The following FGF14 variants were observed in gnomAD, a reference collection of about 807,000 sequenced individuals.
The protein encoded by FGF14 is fibroblast growth factor homologous factor 4.
In FGF14, 5 loss-of-function variants were observed where a neutral mutation model predicts 25.5. The observed-to-expected ratio is 0.20, with a 90% confidence interval of 0.10 to 0.41. FGF14 has a LOEUF of 0.41. Ranked by LOEUF, FGF14 falls within the 10% of genes least tolerant of loss-of-function variation. The pLI, the probability that FGF14 is intolerant of heterozygous loss-of-function variation, is 1.00. For synonymous variants in FGF14, 138 were observed against 118.3 expected (o/e 1.17, Z -1.08); for missense variants, 222 against 320.1 (o/e 0.69, Z 2.34).
At chr13:101,771,218 C>T (rs1444022473) in intron 3 of FGF14, among the ~76,000 whole-genome samples, 1 of 151,988 alleles carries the variant, frequency 6.6e-6, no homozygotes. Flanking sequence ...CACTTGGCAC[C>T]GTATTTCATT....
At chr13:101,938,343 TTC>T (rs1296021571) in intron 1 of FGF14, among the ~76,000 whole-genome samples, 2 of 152,234 alleles carry the variant, frequency 1.3e-5, no homozygotes, top group Non-Finnish European at 2.9e-5. Flanking sequence ...CAAGAATGAT[TTC>T]TCTTTTTCAA....
intron 1 of FGF14, among the ~76,000 whole-genome samples, chr13:101,895,264 A>C (rs2030463174): frequency 6.6e-6 from 1 of 152,150 alleles, no homozygotes; most frequent in Non-Finnish European, 1.5e-5. Flanking sequence ...AACATTTTTA[A>C]AGAAATCATT....
At chr13:101,726,128 CTTAT>C (rs1275570935) in intron 4 of FGF14, among the ~76,000 whole-genome samples, 2 of 151,968 alleles carry the variant, frequency 1.3e-5, no homozygotes, top group Non-Finnish European at 2.9e-5. Flanking sequence ...GCTATTATCT[CTTAT>C]TTTTCTGTAA....
chr13:102,378,289 C>G (rs2058087262), intron 1 of FGF14, among the ~76,000 whole-genome samples: 1 of 152,094 alleles, frequency 6.6e-6, no homozygotes, highest in Non-Finnish European at 1.5e-5. Context: ...GGTGATGGAT[C>G]TGTGGGGGCA....
At chr13:102,054,305 TAG>T (rs2042338110) in intron 1 of FGF14, among the ~76,000 whole-genome samples, 1 of 151,552 alleles carries the variant, frequency 6.6e-6, no homozygotes, top group African/African-American at 2.5e-5. Flanking sequence ...TCAATATATT[TAG>T]AGGAGTTCCC....
intron 1 of FGF14, among the ~76,000 whole-genome samples, chr13:102,266,211 A>G (rs1394982968): frequency 1.3e-5 from 2 of 152,188 alleles, no homozygotes; most frequent in Non-Finnish European, 2.9e-5. Flanking sequence ...CCAGAACAGT[A>G]GAAGAGGCTG....
At chr13:102,140,055 C>CCCG (rs1555365035) in intron 1 of FGF14, among the ~76,000 whole-genome samples, 1 of 146,008 alleles carries the variant, frequency 6.8e-6, no homozygotes, top group African/African-American at 2.6e-5. Context: ...CCCCCCCCCC[C>CCCG]CTTACAGCAG....
At chr13:101,984,298 T>C (rs1322685) in intron 1 of FGF14, among the ~76,000 whole-genome samples, 78,923 of 152,032 alleles carry the variant, frequency 0.52, 23,925 homozygotes, top group African/African-American at 0.83. Context: ...CACATATAAT[T>C]GGTTTTAGTA....
At position 102,163,832 on chromosome 13, in the gene FGF14, GC is replaced by G. The variant is rs149786408; in HGVS notation, c.208+237638del. ...TCAAGGTAAAGAAATAATCAGACTT[GC>G]CCCCCCCAGAAAACATTCTGGAGGC... On this transcript the variant is annotated intron_variant, in intron 1 of 4. Transcript: ENST00000376131. 1.5e-3 allele frequency among the ~76,000 whole-genome samples: 227 copies of G among 151,532 alleles called. 2 individuals are homozygous for G. Among genetic ancestry groups the G allele is most frequent in the African/African-American group, 5.3e-3 (218 of 41,300 alleles).
At chr13:102,058,139 G>C (rs1301934333) in intron 1 of FGF14, among the ~76,000 whole-genome samples, 1 of 152,156 alleles carries the variant, frequency 6.6e-6, no homozygotes, top group African/African-American at 2.4e-5. Context: ...GAGAAGCTAA[G>C]GCTTTGTGAC....
chr13:101,884,825 C>A (rs184870307), intron 1 of FGF14, among the ~76,000 whole-genome samples: 1 of 151,384 alleles, frequency 6.6e-6, no homozygotes. Flanking sequence ...GGATCCCTGT[C>A]TCCCTGCCTA....
At chr13:101,940,707 T>C (rs1486376362) in intron 1 of FGF14, among the ~76,000 whole-genome samples, 3 of 152,206 alleles carry the variant, frequency 2.0e-5, no homozygotes, top group East Asian at 3.9e-4. Flanking sequence ...TGTCAGCATA[T>C]CTCATTTTGA....
At chr13:101,948,375 G>A (rs111787614) in intron 1 of FGF14, among the ~76,000 whole-genome samples, 2,818 of 152,044 alleles carry the variant, frequency 0.019, 36 homozygotes, top group Non-Finnish European at 0.03. Flanking sequence ...GGAGATAGAA[G>A]AGGGAATAGA....
chr13:101,979,597 C>T (rs2038128129), intron 1 of FGF14, among the ~76,000 whole-genome samples: 1 of 152,096 alleles, frequency 6.6e-6, no homozygotes, highest in Non-Finnish European at 1.5e-5. Context: ...ATTGCACAAC[C>T]TTATATCTAG....
chr13:101,956,431 T>C (rs2036518986), intron 1 of FGF14, among the ~76,000 whole-genome samples: 1 of 152,100 alleles, frequency 6.6e-6, no homozygotes, highest in Admixed American at 6.6e-5. Context: ...AACATCTATA[T>C]TAGGAAATGA....
chr13:101,929,870 G>A (rs2034634293), intron 1 of FGF14, among the ~76,000 whole-genome samples: 1 of 152,120 alleles, frequency 6.6e-6, no homozygotes, highest in Admixed American at 6.5e-5. Flanking sequence ...TTTTCACAAG[G>A]AGCATGTGCA....
chr13:102,133,854 T>C (rs989682477), intron 1 of FGF14, among the ~76,000 whole-genome samples: 19 of 152,166 alleles, frequency 1.2e-4, no homozygotes, highest in African/African-American at 4.6e-4. Context: ...GTCTGGTCAG[T>C]GTGCATGGGG....
chr13:102,014,257 A>C (rs2139819685), intron 1 of FGF14, among the ~76,000 whole-genome samples: 1 of 152,226 alleles, frequency 6.6e-6, no homozygotes, highest in South Asian at 2.1e-4. Context: ...AGACTTCTAA[A>C]CATTTTGGTT....
intron 1 of FGF14, among the ~76,000 whole-genome samples, chr13:102,338,741 C>T (rs2056861494): frequency 1.3e-5 from 2 of 152,174 alleles, no homozygotes; most frequent in Admixed American, 6.5e-5. Context: ...GGGCCAGGTG[C>T]CATGGCTTAT....
Sources: gnomAD v4.1 joint callset for allele counts (sites outside exome capture counted in the v4.1 genomes callset) on GRCh38, gnomAD v4.1.1 for gene constraint, MANE v1.5 for transcripts, NCBI Gene and HGNC (gene_info 2026-07-23, HGNC 2026-07-21) for gene names.